The following ZNF394 variants were observed in gnomAD, a reference collection of about 807,000 sequenced individuals.
ZNF394 encodes zinc finger protein 394.
ZNF394 carries 19 observed loss-of-function variants against 21.8 expected under a neutral mutation model. The ratio of observed to expected loss-of-function variants is 0.87; its 90% CI spans 0.61 to 1.28. The LOEUF (loss-of-function observed/expected upper bound fraction) is 1.28, where lower values mean the gene tolerates loss of function less well. ZNF394 is among the 50% of genes most tolerant of loss of function. ZNF394 has a pLI of 0.00. For synonymous variants in ZNF394, 294 were observed against 273.3 expected, an observed-to-expected ratio of 1.08 and a Z score of -0.75; for missense variants, 683 against 708.6, an observed-to-expected ratio of 0.96 and a Z score of 0.41.
chr7:99,494,034 CT>C lies in ZNF394; in HGVS notation c.1180del (p.Ser394AlafsTer8). On this transcript the variant is annotated frameshift_variant, in exon 3 of 3. Transcript: ENST00000337673. LOFTEE classifies it low-confidence loss of function (END_TRUNC). ...KPYGCQECGK[S>X]FSQSAALTKH... Reference sequence around the variant, plus strand: ...GGTCAGGGCAGCACTCTGGCTGAAGCTTTTCCCACATTCTTGGCAGCCATAG... The same window carrying C: ...GGTCAGGGCAGCACTCTGGCTGAAGCTTTCCCACATTCTTGGCAGCCATAG... 1 of 1,614,144 alleles carries C rather than the reference CT, an allele frequency of 6.2e-7. No homozygotes were observed. The highest frequency in any genetic ancestry group is 8.5e-7 in the Non-Finnish European group (1 of 1,180,040).
At chr7:99,497,559 CTATT>C in intron 2 of ZNF394, among the ~76,000 whole-genome samples, 1 of 151,806 alleles carries the variant, frequency 6.6e-6, no homozygotes, top group Non-Finnish European at 1.5e-5. Flanking sequence ...TTAACAGTAA[CTATT>C]AATTATAACA....
Position 99,493,636 on chromosome 7 carries a change from AT to A in ZNF394, c.1578del (p.Lys526AsnfsTer50). On this transcript the variant is annotated frameshift_variant, in exon 3 of 3. Transcript: ENST00000337673. LOFTEE classifies it low-confidence loss of function (END_TRUNC). ...CTAAATCTTTCCCCACATTCAAGAC[AT>A]TTGTAAGGCTTTTCCCCAGTGTGAA... is the stretch of plus-strand genomic sequence containing the variant. Reference protein sequence around the residue: ...QRIHTGEKPYKCLECGERFRQ... With the variant: ...QRIHTGEKPYXCLECGERFRQ... 6.2e-7 allele frequency: 1 copy of A among 1,614,210 alleles called. No individual in the cohort carries two copies. Among genetic ancestry groups the A allele is most frequent in the South Asian group, 1.1e-5 (1 of 91,088 alleles).
chr7:99,492,117 G>A (rs1045139574), downstream of ZNF394, among the ~76,000 whole-genome samples: 11 of 150,200 alleles, frequency 7.3e-5, no homozygotes, highest in African/African-American at 2.7e-4. Context: ...TCATAAAACT[G>A]AACTCCTAGG....
chr7:99,499,703 T>A lies in ZNF394; in HGVS notation c.391A>T (p.Ser131Cys). The A allele has an allele frequency of 6.2e-7, 1 of 1,613,336 alleles. No individual in the cohort carries two copies. The highest frequency in any genetic ancestry group is 8.5e-7 in the Non-Finnish European group (1 of 1,179,946). ...QAWVREHCPE[S>C]GEEAVAVVRA... ...ACCACGGCCACCGCCTCCTCCCCGC[T>A]CTCTGGGCAGTGCTCTCGCACCCAG... Residue 131 changes from serine (S) to cysteine (C), a missense_variant, in exon 1 of 3, where the codon AGC (serine) becomes TGC (cysteine). This residue lies in a region of ZNF394 where 402 missense variants were observed against 373.8 expected (regional missense o/e 1.08). Transcript: ENST00000337673.
At chr7:99,499,368 C>G (rs533556590) in intron 1 of ZNF394, among the ~76,000 whole-genome samples, 74 of 149,048 alleles carry the variant, frequency 5.0e-4, no homozygotes, top group Admixed American at 1.9e-3. Context: ...AAGAGTGAAA[C>G]TCCATCTCAA....
chr7:99,497,155 T>TATATGA (rs1285527600), intron 2 of ZNF394, among the ~76,000 whole-genome samples: 12 of 132,624 alleles, frequency 9.0e-5, no homozygotes, highest in African/African-American at 3.8e-4. Context: ...TATATATATA[T>TATATGA]AAAATGTTTT....
chr7:99,489,303 A>G (rs938224911), downstream of ZNF394, among the ~76,000 whole-genome samples: 3 of 151,864 alleles, frequency 2.0e-5, no homozygotes, highest in African/African-American at 4.8e-5. Context: ...AAAAAAAAAA[A>G]AAGAGTTGTA....
In ZNF394 at chr7:99,494,522, C is replaced by G. The variant is rs142536672; in HGVS notation, c.693G>C (p.Leu231=). Residue 231 remains leucine, a synonymous_variant, in exon 3 of 3, where the codon CTG becomes CTC. Transcript: ENST00000337673. The part of the protein sequence containing the change: ...LQEAFQGKRP[L]FSKCGSTHED... Reference sequence around the variant, plus strand: ...CATGGGTACTGCCACACTTAGAAAACAGGGGGCGCTTCCCCTGGAACGCTT... The same window carrying G: ...CATGGGTACTGCCACACTTAGAAAAGAGGGGGCGCTTCCCCTGGAACGCTT... 42 of 1,613,714 alleles carry G rather than the reference C, an allele frequency of 2.6e-5. 1 individual carries two copies. In the African/African-American group the frequency reaches 5.1e-4, roughly 19 times the overall value.
At chr7:99,488,996 G>T (rs1393277627), downstream of ZNF394, among the ~76,000 whole-genome samples, 1 of 145,692 alleles carries the variant, frequency 6.9e-6, no homozygotes, top group Non-Finnish European at 1.5e-5. Context: ...GATAAGAGTT[G>T]TAAGTCAGCC....
At chr7:99,490,624 C>CTT (rs35117471), downstream of ZNF394, among the ~76,000 whole-genome samples, 17 of 141,170 alleles carry the variant, frequency 1.2e-4, no homozygotes, top group Admixed American at 7.1e-5. Flanking sequence ...AAAGTGAGAC[C>CTT]TTTTTTTTTT....
At chr7:99,490,958 C>T (rs1476483184), downstream of ZNF394, among the ~76,000 whole-genome samples, 1 of 152,140 alleles carries the variant, frequency 6.6e-6, no homozygotes, top group Non-Finnish European at 1.5e-5. Flanking sequence ...AAGCCACCTA[C>T]ACCCAGACTA....
rs1800206040 is a variant in ZNF394 at position 99,493,444 on chromosome 7, A to T, written c.*85T>A. The T allele has an allele frequency of 8.0e-7, 1 of 1,255,866 alleles. No homozygotes were observed. The highest frequency in any genetic ancestry group is 2.3e-5 in the Admixed American group (1 of 42,580). The allele number at this position is 1,255,866 out of a possible 1,614,324, so 77.8% of individuals were successfully genotyped here. A position where few individuals can be genotyped will look rare whatever the true frequency, so the allele number is the denominator to read the frequency against. On this transcript the variant is annotated 3_prime_UTR_variant, in exon 3 of 3. Coordinates refer to ENST00000337673, the MANE Select transcript of ZNF394 (RefSeq NM_032164.4). ...GCTCATTTTTGTATTTTTAGTAGAGACAGGATTTTACCATGTTGGCCAGGC... is the reference window on the plus strand; with the variant it reads ...GCTCATTTTTGTATTTTTAGTAGAGTCAGGATTTTACCATGTTGGCCAGGC...
Position 99,500,003 on chromosome 7 carries a change from A to T in ZNF394, c.91T>A (p.Ser31Thr). The T allele has an allele frequency of 6.2e-7, 1 of 1,610,660 alleles. No homozygotes were observed. The highest frequency in any genetic ancestry group is 1.1e-5 in the South Asian group (1 of 91,004). The part of the protein sequence containing the change: ...MAARSKDAAP[S>T]QRDGLLPVKV... ...ACGGGCAAAAGTCCGTCGCGTTGGG[A>T]CGGCGCCGCGTCCTTGGACCTCGCA... Residue 31 changes from serine to threonine, a missense_variant, in exon 1 of 3, where the codon TCC becomes ACC. Transcript: ENST00000337673.
Position 99,499,875 on chromosome 7 carries a change from C to T in ZNF394, c.219G>A (p.Gln73=). 2 of 1,614,202 alleles carry T rather than the reference C, an allele frequency of 1.2e-6. No individual in the cohort carries two copies. Among genetic ancestry groups the T allele is most frequent in the Non-Finnish European group, 8.5e-7 (1 of 1,180,038 alleles). The change falls in exon 1 of 3, where the codon CAG becomes CAA. Residue 73 remains glutamine (Q), a synonymous_variant. Transcript: ENST00000337673. ...SRLHFRQLRY[Q]EVAGPEEALS... ...GCGCCTCTTCCGGTCCAGCCACCTC[C>T]TGGTAACGCAGCTGCCTAAAGTGCA... is the stretch of plus-strand genomic sequence containing the variant.
Position 99,500,082 on chromosome 7 carries a change from G to A in ZNF394, c.12C>T (p.Ser4=), listed in dbSNP as rs1285913731. Reference sequence around the variant, plus strand: ...CACTGCCGCGCCTCTGGGCGGTCAAGCTGGAATTCATCTTTCTCCGGCATG... The same window carrying A: ...CACTGCCGCGCCTCTGGGCGGTCAAACTGGAATTCATCTTTCTCCGGCATG... The part of the protein sequence containing the change: MNS[S]LTAQRRGSDA... The change falls in exon 1 of 3, where the codon AGC becomes AGT. Residue 4 remains serine (S), a synonymous_variant. Transcript: ENST00000337673. 6.4e-7 allele frequency: 1 copy of A among 1,551,944 alleles called. No homozygotes were observed. The highest frequency in any genetic ancestry group is 1.4e-5 in the African/African-American group (1 of 73,244).
In ZNF394 at chr7:99,494,106, C is replaced by G. The variant is rs201390152; in HGVS notation, c.1109G>C (p.Arg370Pro). The change falls in exon 3 of 3, where the codon CGC (arginine) becomes CCC (proline). Residue 370 changes from arginine to proline, a missense_variant. Arg to Pro is a moderately radical substitution (Grantham distance 103). Around this residue, in one of 3 missense-constraint regions of ZNF394, gnomAD observed 274 missense variants for 314.1 expected, o/e 0.87. Coordinates refer to ENST00000337673, the MANE Select transcript of ZNF394 (RefSeq NM_032164.4). ...TCTCTGGTGTCTAAAGAGGTCAGAG[C>G]GTTGTTTGAAACTCTTCCCACAGTT... ...CGNCGKSFKQ[R>P]SDLFRHQRIH... The G allele has an allele frequency of 6.8e-6, 11 of 1,614,078 alleles. No individual in the cohort carries two copies. The highest frequency in any genetic ancestry group is 9.3e-6 in the Non-Finnish European group (11 of 1,180,040).
intron 1 of ZNF394, among the ~76,000 whole-genome samples, chr7:99,499,075 A>G (rs1800435018): frequency 6.6e-6 from 1 of 152,204 alleles, no homozygotes; most frequent in Non-Finnish European, 1.5e-5. Context: ...GAAATATGAT[A>G]CAGATTAAAA....
At chr7:99,492,791 TAA>T (rs1173024023), downstream of ZNF394, among the ~76,000 whole-genome samples, 11 of 132,108 alleles carry the variant, frequency 8.3e-5, no homozygotes, top group Non-Finnish European at 9.9e-5. Flanking sequence ...CCCTATCTCT[TAA>T]AAAAAAAAAA....
At chr7:99,492,484 C>T (rs1002084496), downstream of ZNF394, among the ~76,000 whole-genome samples, 3 of 151,360 alleles carry the variant, frequency 2.0e-5, no homozygotes, top group East Asian at 5.8e-4. Flanking sequence ...TACTAAAATA[C>T]AAAAAATTAG....
Sources: allele counts gnomAD v4.1 joint callset (sites outside exome capture counted in the v4.1 genomes callset), GRCh38; gene constraint gnomAD v4.1.1; regional missense constraint gnomAD v4.1.1; transcripts MANE v1.5; gene names NCBI Gene and HGNC (gene_info 2026-07-23, HGNC 2026-07-21).